XPO5: variants seen among roughly 807,000 people sequenced by gnomAD.
XPO5 encodes the protein exportin-5.
XPO5 carries 46 observed loss-of-function variants against 160.6 expected under a neutral mutation model. That is an observed-to-expected ratio of 0.29 (90% CI 0.23 to 0.37). XPO5 has a LOEUF of 0.37. Among genes scored for constraint, XPO5 ranks in the 10% least tolerant of loss-of-function variants. The probability of loss-of-function intolerance (pLI) is 1.00; values close to 1 mark genes in which losing one functional copy is unlikely to be tolerated. For synonymous variants in XPO5, 537 were observed against 519.3 expected, an observed-to-expected ratio of 1.03 and a Z score of -0.46; for missense variants, 1,090 against 1,463.9, an observed-to-expected ratio of 0.74 and a Z score of 4.17.
chr6:43,548,199 A>G, intron 18 of XPO5, 62 bp downstream of exon 18: 1 of 1,485,938 alleles, frequency 6.7e-7, no homozygotes, highest in Non-Finnish European at 9.0e-7. Flanking sequence ...CCCTGGGCCT[A>G]GCTCTTAAAC....
rs1582224219 is a variant in XPO5, at chr6:43,549,724, A to C, written c.1771-146T>G. ...GTATAATGGAGTAACATTTATAGCC[A>C]CCAAGAATCCATGTTTCTTGTATGC... is the stretch of plus-strand genomic sequence containing the variant. On this transcript the variant is annotated intron_variant, in intron 16 of 31. Transcript: ENST00000265351. The C allele has an allele frequency of 1.6e-5, 19 of 1,208,922 alleles. No homozygotes were observed. The East Asian group carries it at 4.7e-4, about 30-fold the overall frequency. The allele number at this position is 1,208,922 out of a possible 1,614,324, so 74.9% of individuals were successfully genotyped here. A position where few individuals can be genotyped will look rare whatever the true frequency, so the allele number is the denominator to read the frequency against.
Position 43,538,139 on chromosome 6 carries a change from C to CTTTTTTTTT in XPO5, c.2343-4141_2343-4133dup, listed in dbSNP as rs1160662301. Among the ~76,000 whole-genome samples, 21 of 48,938 alleles carry CTTTTTTTTT rather than the reference C, an allele frequency of 4.3e-4. 1 individual carries two copies. The highest frequency in any genetic ancestry group is 1.7e-3 in the African/African-American group (20 of 12,110). 32.1% of individuals were successfully genotyped at this position (48,938 alleles called of 152,430 possible). ...TATAAATTTAGAGCCTAAGAGACAT[C>CTTTTTTTTT]TTTTTTTTTTTTTTTTTTTTTTTTT... On this transcript the variant is annotated intron_variant, in intron 20 of 31. Transcript: ENST00000265351.
At chr6:43,572,459 T>C in intron 3 of XPO5, 47 bp downstream of exon 3, 1 of 1,592,336 alleles carries the variant, frequency 6.3e-7, no homozygotes, top group East Asian at 2.2e-5. Flanking sequence ...AGTCACGCTT[T>C]GCCTAAACTA....
intron 7 of XPO5, chr6:43,566,773 G>A: frequency 5.2e-6 from 1 of 192,564 alleles, no homozygotes; most frequent in South Asian, 6.8e-5. Context: ...TCACGCCACT[G>A]CACTCCAGCC....
At position 43,531,998 on chromosome 6, in the gene XPO5, ATAT is replaced by A. The variant is rs1794019744; in HGVS notation, c.2444-426_2444-424del. Among the ~76,000 whole-genome samples, 5 of 152,274 alleles carry A rather than the reference ATAT, an allele frequency of 3.3e-5. 1 individual carries two copies. Among genetic ancestry groups the A allele is most frequent in the African/African-American group, 1.2e-4 (5 of 41,554 alleles). On this transcript the variant is annotated intron_variant, in intron 21 of 31. Transcript: ENST00000265351. Reference sequence around the variant, plus strand: ...TATTAAAAACTGCCTTAAAATATCTATATTTTTAAGTGTAATCAGAGGTTTTAC... The same window carrying A: ...TATTAAAAACTGCCTTAAAATATCTATTTTAAGTGTAATCAGAGGTTTTAC...
Position 43,524,482 on chromosome 6 carries a change from C to T in XPO5, c.3466G>A (p.Gly1156Ser). 1 of 1,613,356 alleles carries T rather than the reference C, an allele frequency of 6.2e-7. No homozygotes were observed. Among genetic ancestry groups the T allele is most frequent in the East Asian group, 2.2e-5 (1 of 44,876 alleles). The change falls in exon 31 of 32, where the codon GGT (glycine) becomes AGT (serine). Residue 1156 changes from glycine to serine, a missense_variant. By Grantham distance (56) the Gly-to-Ser change is moderately conservative. Around this residue, in one of 3 missense-constraint regions of XPO5, gnomAD observed 810 missense variants for 1,139.0 expected, o/e 0.71. Coordinates refer to ENST00000265351, the MANE Select transcript of XPO5 (RefSeq NM_020750.3). ...GGTGCATGACCTACCCCAATGCAAC[C>T]AGCAATGAGGCGTTTGAATTGGTCC... The part of the protein sequence containing the change: ...RKDQFKRLIA[G>S]CIGKPLGEQF...
At chr6:43,531,920 T>C (rs1270909604) in intron 21 of XPO5, among the ~76,000 whole-genome samples, 1 of 152,206 alleles carries the variant, frequency 6.6e-6, no homozygotes, top group African/African-American at 2.4e-5. Flanking sequence ...AGCAAAATCT[T>C]ACACAAAACA....
At position 43,547,761 on chromosome 6, in the gene XPO5, T is replaced by G. The variant is rs1286002872; in HGVS notation, c.2061-54A>C. The G allele has an allele frequency of 3.9e-6, 6 of 1,522,812 alleles. No homozygotes were observed. In the African/African-American group the frequency reaches 8.2e-5, roughly 21 times the overall value. The allele number at this position is 1,522,812 out of a possible 1,614,324, so 94.3% of individuals were successfully genotyped here. ...ACATCATGACTTTAAACAAGGACAG[T>G]TTCTTCCACAGGAGTTAACAGGCTA... On this transcript the variant is annotated intron_variant, in intron 18 of 31. Coordinates refer to ENST00000265351, the MANE Select transcript of XPO5 (RefSeq NM_020750.3).
At chr6:43,526,364 G>T (rs1449739517) in intron 27 of XPO5, 1 of 434,590 alleles carries the variant, frequency 2.3e-6, no homozygotes, top group Non-Finnish European at 4.2e-6. Flanking sequence ...ATAAAGCAGA[G>T]GAATACAGAG....
chr6:43,533,923 T>G lies in XPO5; in HGVS notation c.2427A>C (p.Glu809Asp). The change falls in exon 21 of 32, where the codon GAA becomes GAC. Residue 809 changes from glutamate to aspartate, a missense_variant. This residue lies in a region of XPO5 where 810 missense variants were observed against 1,139.0 expected (regional missense o/e 0.71). Transcript: ENST00000265351. ...FTKALDMLDA[E>D]KSAILGLPQP... ...ATTTCTTACCTAATATAGCAGATTTTTCCGCGTCAAGCATATCCAGAGCCT... is the reference window on the plus strand; with the variant it reads ...ATTTCTTACCTAATATAGCAGATTTGTCCGCGTCAAGCATATCCAGAGCCT... 2 of 1,604,084 alleles carry G rather than the reference T, an allele frequency of 1.2e-6. No homozygotes were observed. The highest frequency in any genetic ancestry group is 1.7e-6 in the Non-Finnish European group (2 of 1,173,784).
At position 43,538,082 on chromosome 6, in the gene XPO5, C is replaced by CAA. The variant is rs1217531011; in HGVS notation, c.2343-4077_2343-4076dup. 5.2e-3 allele frequency among the ~76,000 whole-genome samples: 189 copies of CAA among 36,116 alleles called. 6 individuals carry two copies. The highest frequency in any genetic ancestry group is 0.014 in the African/African-American group (168 of 12,372). 23.7% of individuals were successfully genotyped at this position (36,116 alleles called of 152,430 possible). ...CATGGGTGACAGAACAAGATGGTCT[C>CAA]AAAAAAAAAAAAAAAAAAAAGGCAA... On this transcript the variant is annotated intron_variant, in intron 20 of 31. Coordinates refer to ENST00000265351, the MANE Select transcript of XPO5 (RefSeq NM_020750.3).
intron 20 of XPO5, 94 bp from the exon 21 acceptor site, chr6:43,534,101 C>A (rs1794167301): frequency 6.9e-6 from 6 of 871,040 alleles, no homozygotes; most frequent in Non-Finnish European, 1.1e-5. Context: ...CAGTTTCACA[C>A]AGATCTGCCC....
rs147881448 is a variant in XPO5, at chr6:43,549,341, G to A, written c.1860+148C>T. ...AGTCTCCCAAAGTGTTGGGATTACA[G>A]GTGTGAGCCACCATGCCCGGCCAAG... On this transcript the variant is annotated intron_variant, in intron 17 of 31. Transcript: ENST00000265351. 4.4e-4 allele frequency: 317 copies of A among 719,416 alleles called. 2 individuals carry two copies. The African/African-American group carries it at 5.6e-3, about 13-fold the overall frequency. The allele number at this position is 719,416 out of a possible 1,614,324, so 44.6% of individuals were successfully genotyped here. A position where few individuals can be genotyped will look rare whatever the true frequency, so the allele number is the denominator to read the frequency against.
chr6:43,563,585 T>G (rs1041959152), intron 8 of XPO5, among the ~76,000 whole-genome samples: 1 of 152,182 alleles, frequency 6.6e-6, no homozygotes, highest in Non-Finnish European at 1.5e-5. Context: ...TTACACAAAC[T>G]TACACAACAG....
At chr6:43,573,736 G>A in intron 1 of XPO5, 135 bp from the exon 2 acceptor site, 1 of 1,066,086 alleles carries the variant, frequency 9.4e-7, no homozygotes, top group Non-Finnish European at 1.3e-6. Context: ...AGGCTGAGAT[G>A]GGTGGACTAC....
intron 20 of XPO5, among the ~76,000 whole-genome samples, chr6:43,542,665 A>T (rs1561873038): frequency 6.6e-6 from 1 of 152,006 alleles, no homozygotes; most frequent in East Asian, 1.9e-4. Flanking sequence ...ACCTCAAGTG[A>T]TTCACCTGCT....
At chr6:43,533,108 C>T (rs1794087373) in intron 21 of XPO5, among the ~76,000 whole-genome samples, 1 of 152,016 alleles carries the variant, frequency 6.6e-6, no homozygotes, top group South Asian at 2.1e-4. Context: ...GTACACCAGC[C>T]TGGGTGACAG....
intron 8 of XPO5, among the ~76,000 whole-genome samples, chr6:43,564,233 T>C (rs1762572578): frequency 6.6e-6 from 1 of 152,174 alleles, no homozygotes; most frequent in African/African-American, 2.4e-5. Context: ...GCTAAATTTA[T>C]TTAAAAAATT....
intron 20 of XPO5, among the ~76,000 whole-genome samples, chr6:43,536,777 A>G (rs796800783): frequency 6.7e-6 from 1 of 149,942 alleles, no homozygotes; most frequent in East Asian, 1.9e-4. Context: ...AAAAAAAAAA[A>G]AAAAAAAAAA....
Sources: gnomAD v4.1 joint callset for allele counts (sites outside exome capture counted in the v4.1 genomes callset) on GRCh38, gnomAD v4.1.1 for gene constraint, gnomAD v4.1.1 regional missense constraint, MANE v1.5 for transcripts, NCBI Gene and HGNC (gene_info 2026-07-23, HGNC 2026-07-21) for gene names.